Variants in DACH1 observed in about 807,000 individuals in gnomAD.
The protein encoded by DACH1 is dachshund family transcription factor 1, also known as dachshund homolog 1.
In DACH1, 12 loss-of-function variants were observed where a neutral mutation model predicts 54.2. That is an observed-to-expected ratio of 0.22 (90% CI 0.14 to 0.36). DACH1 has a LOEUF of 0.36. Ranked by LOEUF, DACH1 falls within the 10% of genes least tolerant of loss-of-function variation. DACH1 has a pLI of 1.00. For missense variants in DACH1, 805 were observed against 929.8 expected (o/e 0.87, Z 1.75); for synonymous variants, 386 against 366.2 (o/e 1.05, Z -0.62).
At chr13:71,748,926 T>TTC (rs1884785401) in intron 1 of DACH1, among the ~76,000 whole-genome samples, 1 of 46,028 alleles carries the variant, frequency 2.2e-5, no homozygotes, top group East Asian at 3.0e-4. Context: ...CTTTCTTTCT[T>TTC]TCTTTCTTTC....
At chr13:71,738,205 A>G (rs1884222524) in intron 1 of DACH1, among the ~76,000 whole-genome samples, 1 of 152,188 alleles carries the variant, frequency 6.6e-6, no homozygotes, top group Admixed American at 6.5e-5. Context: ...ATTCTTAAAT[A>G]GGAGTTCCCC....
chr13:71,792,076 G>C (rs922317993), intron 1 of DACH1, among the ~76,000 whole-genome samples: 1 of 151,936 alleles, frequency 6.6e-6, no homozygotes, highest in African/African-American at 2.4e-5. Context: ...TTTCTTCTTA[G>C]CTTCTTATCC....
chr13:71,605,966 G>A (rs1474776424), intron 3 of DACH1, among the ~76,000 whole-genome samples: 1 of 152,024 alleles, frequency 6.6e-6, no homozygotes, highest in Non-Finnish European at 1.5e-5. Context: ...CAGCTATCAT[G>A]TGTTGAACTG....
intron 1 of DACH1, among the ~76,000 whole-genome samples, chr13:71,800,205 T>C (rs1421491248): frequency 6.6e-6 from 1 of 152,064 alleles, no homozygotes; most frequent in Non-Finnish European, 1.5e-5. Flanking sequence ...TGTGATTATA[T>C]ACAAATTTAA....
chr13:71,820,871 G>A (rs2138181629), intron 1 of DACH1, among the ~76,000 whole-genome samples: 1 of 152,232 alleles, frequency 6.6e-6, no homozygotes, highest in East Asian at 1.9e-4. Flanking sequence ...ATGGGAAGGA[G>A]AAAGATATTT....
At chr13:71,483,069 C>T (rs1203228556) in intron 7 of DACH1, among the ~76,000 whole-genome samples, 1 of 151,956 alleles carries the variant, frequency 6.6e-6, no homozygotes, top group Non-Finnish European at 1.5e-5. Flanking sequence ...TCCCAAAGTG[C>T]TGGGATTACA....
intron 1 of DACH1, among the ~76,000 whole-genome samples, chr13:71,713,047 G>A (rs1373509417): frequency 5.3e-5 from 8 of 151,102 alleles, no homozygotes; most frequent in South Asian, 4.2e-4. Context: ...TGGGCCCATG[G>A]CAGCAAGGGG....
chr13:71,605,389 C>T (rs1874799377), intron 3 of DACH1, among the ~76,000 whole-genome samples: 1 of 151,456 alleles, frequency 6.6e-6, no homozygotes, highest in Admixed American at 6.6e-5. Flanking sequence ...TTTTTAATAT[C>T]AAAAGATATG....
intron 1 of DACH1, among the ~76,000 whole-genome samples, chr13:71,814,824 C>A (rs1424299922): frequency 6.6e-6 from 1 of 152,182 alleles, no homozygotes; most frequent in Non-Finnish European, 1.5e-5. Flanking sequence ...GATCATGAAG[C>A]TTTTTTTCAT....
chr13:71,776,917 C>T (rs375431066), intron 1 of DACH1, among the ~76,000 whole-genome samples: 19 of 152,234 alleles, frequency 1.2e-4, no homozygotes, highest in African/African-American at 4.3e-4. Flanking sequence ...CATCACTCCC[C>T]ACCCAGACCC....
intron 1 of DACH1, among the ~76,000 whole-genome samples, chr13:71,771,006 T>C (rs1186888389): frequency 6.6e-6 from 1 of 151,554 alleles, no homozygotes; most frequent in Non-Finnish European, 1.5e-5. Flanking sequence ...TTAGATCTGT[T>C]TAAACAAGTT....
chr13:71,847,520 A>G (rs1193132422), intron 1 of DACH1, among the ~76,000 whole-genome samples: 1 of 152,194 alleles, frequency 6.6e-6, no homozygotes, highest in East Asian at 1.9e-4. Flanking sequence ...TATAAAGTCT[A>G]TTTATGACTT....
intron 1 of DACH1, among the ~76,000 whole-genome samples, chr13:71,739,660 G>C (rs1884300693): frequency 6.6e-6 from 1 of 152,190 alleles, no homozygotes; most frequent in Non-Finnish European, 1.5e-5. Context: ...GACAGCTCTA[G>C]AAATAGAGCT....
intron 6 of DACH1, among the ~76,000 whole-genome samples, chr13:71,511,761 C>T (rs1241784945): frequency 6.6e-6 from 1 of 151,862 alleles, no homozygotes; most frequent in Non-Finnish European, 1.5e-5. Context: ...CTTTTCCTTG[C>T]CTTTATACAT....
intron 6 of DACH1, among the ~76,000 whole-genome samples, chr13:71,493,737 C>T (rs1032221748): frequency 6.6e-6 from 1 of 152,018 alleles, no homozygotes; most frequent in African/African-American, 2.4e-5. Context: ...TTTTCTAATA[C>T]TTTTTATAAA....
chr13:71,590,501 A>T (rs1237251793), intron 3 of DACH1, among the ~76,000 whole-genome samples: 9 of 152,178 alleles, frequency 5.9e-5, no homozygotes. Flanking sequence ...TATAGGCTTG[A>T]ATCTCAGATC....
chr13:71,766,857 C>T (rs1885653158), intron 1 of DACH1, among the ~76,000 whole-genome samples: 1 of 151,252 alleles, frequency 6.6e-6, no homozygotes, highest in Non-Finnish European at 1.5e-5. Flanking sequence ...AAAAAGCTCT[C>T]ACTTAATTAA....
intron 1 of DACH1, among the ~76,000 whole-genome samples, chr13:71,724,611 A>C (rs1385051622): frequency 2.6e-5 from 4 of 152,120 alleles, no homozygotes; most frequent in African/African-American, 9.6e-5. Context: ...AGCAAAGTAG[A>C]TGGGTTATTT....
intron 1 of DACH1, among the ~76,000 whole-genome samples, chr13:71,775,126 G>GTTTTTTTTTT (rs1886009611): frequency 1.6e-5 from 1 of 62,662 alleles, no homozygotes; most frequent in Non-Finnish European, 3.2e-5. Context: ...CTCAACACAA[G>GTTTTTTTTTT]CTTTTTTTTT....
Sources: gnomAD v4.1 joint callset for allele counts (sites outside exome capture counted in the v4.1 genomes callset) on GRCh38, gnomAD v4.1.1 for gene constraint, MANE v1.5 for transcripts, NCBI Gene and HGNC (gene_info 2026-07-23, HGNC 2026-07-21) for gene names.